MAPK10: variants seen among roughly 807,000 people sequenced by gnomAD.
The protein encoded by MAPK10 is JNK3 alpha protein kinase.
Under a neutral mutation model 59.3 loss-of-function variants are expected in MAPK10, and 25 were observed. The observed-to-expected ratio is 0.42, with a 90% CI of 0.31 to 0.59. The LOEUF (loss-of-function observed/expected upper bound fraction) is 0.59. Ranked by LOEUF, MAPK10 falls within the 20% of genes least tolerant of loss-of-function variation. The pLI is 0.15. For missense variants in MAPK10, 351 were observed against 568.9 expected (o/e 0.62, Z 3.90); for synonymous variants, 190 against 200.5 (o/e 0.95, Z 0.44).
chr4:86,359,288 C>CTCTCTCTCTCTCTGTGTGTGTG (rs796310826), intron 1 of MAPK10, among the ~76,000 whole-genome samples: 7 of 94,608 alleles, frequency 7.4e-5, no homozygotes, highest in African/African-American at 3.7e-4. Context: ...CTCTCTCTCT[C>CTCTCTCTCTCTCTGTGTGTGTG]TGTGTGTGTG....
chr4:86,013,159 GAT>G lies in MAPK10; in HGVS notation c.*4067_*4068del, dbSNP rs1741898534. On this transcript the variant is annotated 3_prime_UTR_variant, in exon 14 of 14. Coordinates refer to ENST00000641462, the MANE Select transcript of MAPK10 (RefSeq NM_138982.4). ...AACAGGTCAAAGTGAGCCATTTTCA[GAT>G]AGTTAAAGGACTAAGTACCAAAAGA... The G allele has an allele frequency of 6.6e-6, 1 of 152,170 alleles. No homozygotes were observed. Among genetic ancestry groups the G allele is most frequent in the African/African-American group, 2.4e-5 (1 of 41,440 alleles). The allele number at this position is 152,170 out of a possible 1,614,324, so 9.4% of individuals were successfully genotyped here. A position where few individuals can be genotyped will look rare whatever the true frequency, so the allele number is the denominator to read the frequency against.
At chr4:86,205,239 A>T (rs1333567320) in intron 2 of MAPK10, among the ~76,000 whole-genome samples, 1 of 152,036 alleles carries the variant, frequency 6.6e-6, no homozygotes, top group Non-Finnish European at 1.5e-5. Flanking sequence ...ATTATTAAGA[A>T]TTACAATAGT....
intron 1 of MAPK10, among the ~76,000 whole-genome samples, chr4:86,546,357 G>T (rs1300840312): frequency 5.3e-5 from 8 of 151,908 alleles, no homozygotes; most frequent in Non-Finnish European, 1.5e-5. Flanking sequence ...AGACAAGCCT[G>T]GCCAACATGG....
At chr4:86,351,580 T>C (rs1414315099) in intron 2 of MAPK10, among the ~76,000 whole-genome samples, 1 of 152,086 alleles carries the variant, frequency 6.6e-6, no homozygotes, top group Admixed American at 6.6e-5. Context: ...TATGCACTTA[T>C]TTTTTTAACT....
intron 1 of MAPK10, among the ~76,000 whole-genome samples, chr4:86,553,766 G>C (rs773991639): frequency 1.6e-4 from 25 of 152,192 alleles, no homozygotes; most frequent in Non-Finnish European, 2.8e-4. Flanking sequence ...TCAGGGTTTG[G>C]GGTAGTGATG....
At chr4:86,529,674 C>A (rs1757722428) in intron 1 of MAPK10, among the ~76,000 whole-genome samples, 1 of 152,164 alleles carries the variant, frequency 6.6e-6, no homozygotes, top group Admixed American at 6.6e-5. Flanking sequence ...TTCCTCTCTC[C>A]CAACCTCCCC....
intron 1 of MAPK10, among the ~76,000 whole-genome samples, chr4:86,355,903 A>G (rs1028677062): frequency 6.6e-6 from 1 of 152,214 alleles, no homozygotes; most frequent in Non-Finnish European, 1.5e-5. Flanking sequence ...GCTTTAAGCA[A>G]TCCATTTTCA....
At chr4:86,448,323 A>AT (rs1401494536) in intron 1 of MAPK10, among the ~76,000 whole-genome samples, 7 of 151,786 alleles carry the variant, frequency 4.6e-5, no homozygotes, top group Admixed American at 1.3e-4. Context: ...TTTTGTCAGA[A>AT]TTTTCTAGTC....
chr4:86,023,851 A>ATATATATATATATATATATATAT (rs1491271631), intron 13 of MAPK10: 5 of 128,340 alleles, frequency 3.9e-5, no homozygotes, highest in South Asian at 2.3e-4. Context: ...ATATATATAT[A>ATATATATATATATATATATATAT]AAATGAATGT....
chr4:86,038,991 C>G (rs78410497), intron 11 of MAPK10, among the ~76,000 whole-genome samples: 1,709 of 152,178 alleles, frequency 0.011, 26 homozygotes, highest in African/African-American at 0.039. Flanking sequence ...ATGTACTATC[C>G]GTTGATTATT....
chr4:86,228,628 A>C (rs553212139), intron 2 of MAPK10, among the ~76,000 whole-genome samples: 1 of 152,258 alleles, frequency 6.6e-6, no homozygotes, highest in East Asian at 1.9e-4. Flanking sequence ...TAATTCTATC[A>C]CCCTTTGTGT....
intron 2 of MAPK10, among the ~76,000 whole-genome samples, chr4:86,271,653 GT>G (rs1445649891): frequency 6.6e-6 from 1 of 151,968 alleles, no homozygotes; most frequent in African/African-American, 2.4e-5. Context: ...TACTGACTCA[GT>G]TCCACAGGGC....
chr4:86,246,886 T>C (rs2093129727), intron 2 of MAPK10, among the ~76,000 whole-genome samples: 2 of 152,156 alleles, frequency 1.3e-5, no homozygotes, highest in South Asian at 4.1e-4. Flanking sequence ...TAGCCAATCA[T>C]ATCATCCCAA....
chr4:86,108,954 A>G (rs895546688), intron 4 of MAPK10, among the ~76,000 whole-genome samples: 2 of 152,092 alleles, frequency 1.3e-5, no homozygotes, highest in African/African-American at 4.8e-5. Context: ...CACTTGTCAG[A>G]TGTGGTTTCA....
chr4:86,044,338 C>T (rs1384918152), intron 11 of MAPK10, among the ~76,000 whole-genome samples: 1 of 152,078 alleles, frequency 6.6e-6, no homozygotes, highest in Non-Finnish European at 1.5e-5. Context: ...GCCTAGATCC[C>T]ACCTCAGAGA....
At chr4:86,178,988 G>A (rs1185196401) in intron 3 of MAPK10, among the ~76,000 whole-genome samples, 1 of 152,006 alleles carries the variant, frequency 6.6e-6, no homozygotes, top group African/African-American at 2.4e-5. Flanking sequence ...ACATCACAAG[G>A]TCAGGAGATT....
chr4:86,482,463 A>G (rs1473484077), intron 1 of MAPK10, among the ~76,000 whole-genome samples: 3 of 152,100 alleles, frequency 2.0e-5, no homozygotes, highest in Admixed American at 2.0e-4. Context: ...TTTTCTAGTT[A>G]CGTGCCATGA....
intron 1 of MAPK10, among the ~76,000 whole-genome samples, chr4:86,382,540 T>A (rs1283249673): frequency 1.3e-5 from 2 of 152,222 alleles, no homozygotes; most frequent in Non-Finnish European, 2.9e-5. Context: ...GGGCTGTGAC[T>A]GCTTGTTCAC....
At chr4:86,041,736 T>C (rs1195929236) in intron 11 of MAPK10, among the ~76,000 whole-genome samples, 1 of 152,174 alleles carries the variant, frequency 6.6e-6, no homozygotes, top group African/African-American at 2.4e-5. Context: ...TCATCACTGG[T>C]CATTGGAGAA....
Sources: allele counts gnomAD v4.1 joint callset (sites outside exome capture counted in the v4.1 genomes callset), GRCh38; gene constraint gnomAD v4.1.1; transcripts MANE v1.5; gene names NCBI Gene and HGNC (gene_info 2026-07-23, HGNC 2026-07-21).